Variants in STRN observed in about 807,000 individuals in gnomAD.
STRN encodes striatin.
Under a neutral mutation model 96.3 loss-of-function variants are expected in STRN, and 53 were observed. The ratio of observed to expected loss-of-function variants is 0.55; its 90% CI spans 0.44 to 0.69. The LOEUF is 0.69. STRN is among the 30% of genes least tolerant of loss of function. STRN has a pLI of 0.00. For missense variants in STRN, 987 were observed against 963.9 expected, an observed-to-expected ratio of 1.02 and a Z score of -0.32; for synonymous variants, 428 against 355.9, an observed-to-expected ratio of 1.20 and a Z score of -2.28.
chr2:36,876,934 G>A (rs749224328), intron 10 of STRN, among the ~76,000 whole-genome samples: 5 of 152,046 alleles, frequency 3.3e-5, no homozygotes, highest in Admixed American at 1.3e-4. Context: ...ATTTTTAATA[G>A]AGACGGGTTT....
At chr2:36,957,742 G>GTTTTTTTTTTTTTTTTTTTTTTT (rs1158709835) in intron 1 of STRN, among the ~76,000 whole-genome samples, 1 of 103,132 alleles carries the variant, frequency 9.7e-6, no homozygotes, top group Non-Finnish European at 1.9e-5. Context: ...TCTTCTTTTT[G>GTTTTTTTTTTTTTTTTTTTTTTT]TCTTTTTTTT....
chr2:36,854,496 G>A (rs1177768270), intron 15 of STRN, among the ~76,000 whole-genome samples: 1 of 152,184 alleles, frequency 6.6e-6, no homozygotes, highest in Non-Finnish European at 1.5e-5. Context: ...GAGAGAGAGA[G>A]ACAGAGAGTG....
Position 36,884,133 on chromosome 2 carries a change from T to C in STRN, c.1043-58A>G, listed in dbSNP as rs933571143. 3.9e-6 allele frequency: 5 copies of C among 1,283,928 alleles called. No individual in the cohort carries two copies. In the African/African-American group the frequency reaches 4.6e-5, roughly 12 times the overall value. The allele number at this position is 1,283,928 out of a possible 1,614,324, so 79.5% of individuals were successfully genotyped here. ...AAAAAGAGAAAAGAGAATTATCCAA[T>C]TGCATCAAAATGGTATTATAAGCCT... On this transcript the variant is annotated intron_variant, in intron 8 of 17. Transcript: ENST00000263918.
At chr2:36,950,802 T>C (rs981767435) in intron 1 of STRN, among the ~76,000 whole-genome samples, 1 of 152,228 alleles carries the variant, frequency 6.6e-6, no homozygotes, top group Admixed American at 6.5e-5. Context: ...CTTTTTGTGT[T>C]TATTCTCACT....
rs1025861208 is a variant in STRN at position 36,847,832 on chromosome 2, T to C, written c.*1624A>G. The C allele has an allele frequency of 1.3e-5, 2 of 152,206 alleles. No homozygotes were observed. Among genetic ancestry groups the C allele is most frequent in the African/African-American group, 2.4e-5 (1 of 41,464 alleles). The allele number at this position is 152,206 out of a possible 1,614,324, so 9.4% of individuals were successfully genotyped here. A position where few individuals can be genotyped will look rare whatever the true frequency, so the allele number is the denominator to read the frequency against. On this transcript the variant is annotated 3_prime_UTR_variant, in exon 18 of 18. Coordinates refer to ENST00000263918, the MANE Select transcript of STRN (RefSeq NM_003162.4). ...CGTATCATGAGAAGCATCATTGTTATGACGATGGAAAATGTGGGGAATGGA... is the reference window on the plus strand; with the variant it reads ...CGTATCATGAGAAGCATCATTGTTACGACGATGGAAAATGTGGGGAATGGA...
chr2:36,939,600 C>A (rs1193993580), intron 1 of STRN, among the ~76,000 whole-genome samples: 1 of 151,414 alleles, frequency 6.6e-6, no homozygotes, highest in Non-Finnish European at 1.5e-5. Context: ...CCAGACTGGT[C>A]CCAAACTCCT....
chr2:36,858,599 G>A (rs984027975), intron 13 of STRN, among the ~76,000 whole-genome samples: 1 of 152,202 alleles, frequency 6.6e-6, no homozygotes, highest in African/African-American at 2.4e-5. Flanking sequence ...AAGAGGGAGG[G>A]AAGTGGGGAG....
intron 3 of STRN, among the ~76,000 whole-genome samples, chr2:36,914,376 T>C (rs891387417): frequency 2.6e-4 from 39 of 152,350 alleles, no homozygotes; most frequent in African/African-American, 8.9e-4. Flanking sequence ...AACTTTTAAA[T>C]ACAACACTAA....
chr2:36,949,841 A>G (rs758349001), intron 1 of STRN, among the ~76,000 whole-genome samples: 7 of 152,360 alleles, frequency 4.6e-5, no homozygotes, highest in East Asian at 1.9e-4. Context: ...TAACTGCAAA[A>G]AAGTATCAAG....
At position 36,891,766 on chromosome 2, in the gene STRN, T is replaced by C. The variant is rs115489654; in HGVS notation, c.931+2132A>G. On this transcript the variant is annotated intron_variant, in intron 7 of 17. Coordinates refer to ENST00000263918, the MANE Select transcript of STRN (RefSeq NM_003162.4). ...AGTTTACAAAAAATCTATTTTTGTC[T>C]GTTAAAAACATTAGGAAACCTTTTC... Among the ~76,000 whole-genome samples the C allele has an allele frequency of 3.8e-3, 576 of 152,362 alleles. 3 individuals are homozygous for C. Among genetic ancestry groups the C allele is most frequent in the African/African-American group, 0.013 (559 of 41,582 alleles).
Position 36,877,948 on chromosome 2 carries a change from T to C in STRN, c.1266A>G (p.Gly422=). The change falls in exon 10 of 18, where the codon GGA becomes GGG. Residue 422 remains glycine, a synonymous_variant. Coordinates refer to ENST00000263918, the MANE Select transcript of STRN (RefSeq NM_003162.4). The part of the protein sequence containing the change: ...GADEALESEL[G]LGELAGLTVA... ...CCGTAAGGCCTGCTAGTTCTCCAAGTCCCAGTTCACTTTCAAGGGCTTCAT... is the reference window on the plus strand; with the variant it reads ...CCGTAAGGCCTGCTAGTTCTCCAAGCCCCAGTTCACTTTCAAGGGCTTCAT... 6.2e-7 allele frequency: 1 copy of C among 1,614,170 alleles called. No individual in the cohort carries two copies. The highest frequency in any genetic ancestry group is 8.5e-7 in the Non-Finnish European group (1 of 1,180,014).
chr2:36,952,585 T>C (rs1664779675), intron 1 of STRN, among the ~76,000 whole-genome samples: 1 of 152,172 alleles, frequency 6.6e-6, no homozygotes, highest in Non-Finnish European at 1.5e-5. Context: ...ATGATTAATA[T>C]CTACCACATA....
At chr2:36,891,530 A>G (rs1411926956) in intron 7 of STRN, among the ~76,000 whole-genome samples, 2 of 152,100 alleles carry the variant, frequency 1.3e-5, no homozygotes, top group African/African-American at 4.8e-5. Flanking sequence ...GTCAAAAAAA[A>G]AAGATTCAAC....
chr2:36,960,535 G>A (rs1265872666), intron 1 of STRN, among the ~76,000 whole-genome samples: 2 of 152,076 alleles, frequency 1.3e-5, no homozygotes, highest in Non-Finnish European at 2.9e-5. Context: ...CATTTATTAA[G>A]CACTTACTTT....
At chr2:36,863,203 T>C (rs948942283) in intron 12 of STRN, among the ~76,000 whole-genome samples, 35 of 152,294 alleles carry the variant, frequency 2.3e-4, no homozygotes, top group African/African-American at 6.7e-4. Flanking sequence ...TTTTTTTTTT[T>C]GGTCATTGTT....
chr2:36,918,722 C>CTA (rs1558652704), intron 2 of STRN, among the ~76,000 whole-genome samples: 3 of 152,110 alleles, frequency 2.0e-5, no homozygotes, highest in African/African-American at 7.2e-5. Context: ...GTTACATTCA[C>CTA]TAAAATATAT....
intron 7 of STRN, among the ~76,000 whole-genome samples, chr2:36,891,128 T>G (rs373080161): frequency 1.1e-4 from 17 of 152,212 alleles, no homozygotes; most frequent in African/African-American, 4.1e-4. Flanking sequence ...TCAAAAAGTT[T>G]CAGAATTTGG....
At chr2:36,927,294 G>A (rs543436151) in intron 1 of STRN, among the ~76,000 whole-genome samples, 1 of 152,020 alleles carries the variant, frequency 6.6e-6, no homozygotes. Flanking sequence ...GATAACTTGA[G>A]CTCAGGAGTT....
At chr2:36,913,462 T>C (rs960098344) in intron 3 of STRN, among the ~76,000 whole-genome samples, 8 of 152,220 alleles carry the variant, frequency 5.3e-5, no homozygotes, top group African/African-American at 1.7e-4. Context: ...CCCTGGTTAA[T>C]TCCTACTTGT....
Sources: allele counts gnomAD v4.1 joint callset (sites outside exome capture counted in the v4.1 genomes callset), GRCh38; gene constraint gnomAD v4.1.1; transcripts MANE v1.5; gene names NCBI Gene and HGNC (gene_info 2026-07-23, HGNC 2026-07-21).